CD84: variants seen among roughly 807,000 people sequenced by gnomAD.
The protein encoded by CD84 is SLAM family member 5.
In CD84, 22 loss-of-function variants were observed where a neutral mutation model predicts 33.8. The ratio of observed to expected loss-of-function variants is 0.65; its 90% CI spans 0.46 to 0.93. The LOEUF (loss-of-function observed/expected upper bound fraction) is 0.93. Ranked by LOEUF, CD84 falls within the 40% of genes least tolerant of loss-of-function variation. CD84 has a pLI of 0.00. For synonymous variants in CD84, 154 were observed against 145.2 expected (o/e 1.06, Z -0.44); for missense variants, 400 against 397.6 (o/e 1.01, Z -0.05).
chr1:160,543,551 C>A lies in CD84; in HGVS notation c.*4705G>T, dbSNP rs866755642. 1.3e-5 allele frequency: 2 copies of A among 151,414 alleles called. No individual in the cohort carries two copies. The highest frequency in any genetic ancestry group is 4.2e-4 in the South Asian group (2 of 4,804). The allele number at this position is 151,414 out of a possible 1,614,324, so 9.4% of individuals were successfully genotyped here. A position where few individuals can be genotyped will look rare whatever the true frequency, so the allele number is the denominator to read the frequency against. On this transcript the variant is annotated 3_prime_UTR_variant, in exon 7 of 7. Coordinates refer to ENST00000368054, the MANE Select transcript of CD84 (RefSeq NM_003874.4). ...TTTAGCAGTTGGTATACAAAATAAG[C>A]CCTCAATGATTCTTACAGGCTCCCT...
chr1:160,554,879 T>G (rs1032066977), intron 2 of CD84, among the ~76,000 whole-genome samples: 2 of 152,062 alleles, frequency 1.3e-5, no homozygotes, highest in South Asian at 4.1e-4. Flanking sequence ...TATCCTCTAG[T>G]GCCCTCTCAG....
rs1655942726 is a variant in CD84, at chr1:160,548,178, A to C, written c.*78T>G. 2 of 1,468,448 alleles carry C rather than the reference A, an allele frequency of 1.4e-6. No individual in the cohort carries two copies. Among genetic ancestry groups the C allele is most frequent in the Non-Finnish European group, 1.9e-6 (2 of 1,050,296 alleles). 91.0% of individuals were successfully genotyped at this position (1,468,448 alleles called of 1,614,324 possible). On this transcript the variant is annotated 3_prime_UTR_variant, in exon 7 of 7. Transcript: ENST00000368054. ...CAATCTCCCAGTAAGAGTTGGGCAG[A>C]GAAGATCTGGATCCAGGGAACCTGC...
At chr1:160,562,606 A>C (rs1371221338) in intron 2 of CD84, among the ~76,000 whole-genome samples, 1 of 152,226 alleles carries the variant, frequency 6.6e-6, no homozygotes, top group Non-Finnish European at 1.5e-5. Flanking sequence ...AAAGCCCCAA[A>C]GTATAAAAAC....
intron 5 of CD84, among the ~76,000 whole-genome samples, chr1:160,550,413 G>A (rs549482624): frequency 1.1e-3 from 165 of 152,068 alleles, no homozygotes; most frequent in Non-Finnish European, 1.9e-3. Context: ...GCGATCCAGG[G>A]TGGAGGGGAG....
At chr1:160,552,089 C>G (rs1471328995) in intron 4 of CD84, among the ~76,000 whole-genome samples, 1 of 152,204 alleles carries the variant, frequency 6.6e-6, no homozygotes, top group African/African-American at 2.4e-5. Flanking sequence ...CTACAAATAA[C>G]AGGTCTGAGC....
intron 2 of CD84, among the ~76,000 whole-genome samples, chr1:160,559,236 G>C (rs1273002010): frequency 1.3e-5 from 2 of 152,038 alleles, no homozygotes; most frequent in African/African-American, 4.8e-5. Flanking sequence ...AGAGAGAAAG[G>C]CCAGGTCACC....
intron 2 of CD84, among the ~76,000 whole-genome samples, chr1:160,563,967 C>G (rs988935875): frequency 5.3e-5 from 8 of 151,890 alleles, no homozygotes; most frequent in African/African-American, 1.9e-4. Flanking sequence ...GGGAATAATC[C>G]AGAGATAACA....
At chr1:160,567,636 G>A (rs903462857) in intron 1 of CD84, among the ~76,000 whole-genome samples, 9 of 152,132 alleles carry the variant, frequency 5.9e-5, no homozygotes, top group African/African-American at 9.7e-5. Context: ...AGACAGATGT[G>A]GTCACAAGTG....
chr1:160,570,786 CA>C (rs1657645807), intron 1 of CD84, among the ~76,000 whole-genome samples: 1 of 152,148 alleles, frequency 6.6e-6, no homozygotes, highest in Non-Finnish European at 1.5e-5. Flanking sequence ...CACCTGAGCC[CA>C]AGGGGGTCAA....
chr1:160,577,272 G>T (rs917957803), intron 1 of CD84, among the ~76,000 whole-genome samples: 10 of 152,076 alleles, frequency 6.6e-5, no homozygotes, highest in African/African-American at 2.2e-4. Context: ...GAATTCCAGG[G>T]AAATGTGTAA....
chr1:160,548,123 T>C lies in CD84; in HGVS notation c.*133A>G. The C allele has an allele frequency of 1.1e-6, 1 of 899,454 alleles. No individual in the cohort carries two copies. The highest frequency in any genetic ancestry group is 1.8e-6 in the Non-Finnish European group (1 of 564,646). The allele number at this position is 899,454 out of a possible 1,614,324, so 55.7% of individuals were successfully genotyped here. A position where few individuals can be genotyped will look rare whatever the true frequency, so the allele number is the denominator to read the frequency against. The stretch of plus-strand genomic sequence containing the variant: ...CTATGCCCAGCAGAAGGTTTCCTGC[T>C]TTGCTTACAGGCTGAGATGTGGCAG... On this transcript the variant is annotated 3_prime_UTR_variant, in exon 7 of 7. Coordinates refer to ENST00000368054, the MANE Select transcript of CD84 (RefSeq NM_003874.4).
intron 1 of CD84, among the ~76,000 whole-genome samples, chr1:160,567,462 C>T (rs971456151): frequency 2.0e-5 from 3 of 152,054 alleles, no homozygotes; most frequent in African/African-American, 7.2e-5. Flanking sequence ...ACAGAAGATA[C>T]AACAGGGTGG....
intron 2 of CD84, among the ~76,000 whole-genome samples, chr1:160,562,476 A>T (rs563986796): frequency 1.9e-4 from 29 of 152,320 alleles, no homozygotes; most frequent in African/African-American, 6.5e-4. Context: ...TGGGAAAAGG[A>T]TTCCCTATTT....
Position 160,554,143 on chromosome 1 carries a change from C to T in CD84, c.392G>A (p.Arg131Gln), listed in dbSNP as rs764295635. 19 of 1,609,178 alleles carry T rather than the reference C, an allele frequency of 1.2e-5. No homozygotes were observed. Among genetic ancestry groups the T allele is most frequent in the Admixed American group, 6.7e-5 (4 of 59,854 alleles). The part of the protein sequence containing the change: ...TKRYNLQIYR[R>Q]LGKPKITQSL... ...CTGTGTAATTTTTGGTTTCCCAAGC[C>T]GACCTGTGGGGGCAAACACATGAGC... is the stretch of plus-strand genomic sequence containing the variant. Residue 131 changes from arginine (R) to glutamine (Q), a missense_variant, in exon 3 of 7, where the codon CGG becomes CAG. Physicochemically the swap from Arg to Gln is conservative, Grantham distance 43. Coordinates refer to ENST00000368054, the MANE Select transcript of CD84 (RefSeq NM_003874.4).
intron 2 of CD84, among the ~76,000 whole-genome samples, chr1:160,555,168 C>T (rs1656520500): frequency 6.6e-6 from 1 of 151,358 alleles, no homozygotes; most frequent in Non-Finnish European, 1.5e-5. Context: ...GCAAGCTCCG[C>T]CTCCTGGGTT....
Position 160,565,504 on chromosome 1 carries a change from A to C in CD84, c.288T>G (p.Ile96Met). ...CTGCGTCTTCCATCCTCAGATCGCT[A>C]ATGACCAGATTGTAGTTCGGACCTA... is the stretch of plus-strand genomic sequence containing the variant. ...HALGPNYNLV[I>M]SDLRMEDAGD... Residue 96 changes from isoleucine (I) to methionine (M), a missense_variant, in exon 2 of 7, where the codon ATT (isoleucine) becomes ATG (methionine). Ile to Met is a conservative substitution (Grantham distance 10). Coordinates refer to ENST00000368054, the MANE Select transcript of CD84 (RefSeq NM_003874.4). 8.7e-6 allele frequency: 14 copies of C among 1,613,968 alleles called. No individual in the cohort carries two copies. Among genetic ancestry groups the C allele is most frequent in the Non-Finnish European group, 1.0e-5 (12 of 1,179,896 alleles).
Position 160,551,034 on chromosome 1 carries a change from A to G in CD84, c.762T>C (p.Asp254=). Residue 254 remains aspartate (D), a splice_region_variant and synonymous_variant, in exon 5 of 7, where the codon GAT becomes GAC. Transcript: ENST00000368054. The stretch of plus-strand genomic sequence containing the variant: ...TGTATATGGTTTTCTTTGAGGCAGC[A>G]TCTGTCTCACAAATAAATATAGACC... ...FLFRLFKRRQ[D]AASKKTIYTY... 1 of 1,609,198 alleles carries G rather than the reference A, an allele frequency of 6.2e-7. No individual in the cohort carries two copies. Among genetic ancestry groups the G allele is most frequent in the Non-Finnish European group, 8.5e-7 (1 of 1,175,448 alleles).
At chr1:160,565,999 C>G (rs908001113) in intron 1 of CD84, among the ~76,000 whole-genome samples, 1 of 152,020 alleles carries the variant, frequency 6.6e-6, no homozygotes, top group African/African-American at 2.4e-5. Context: ...ATATTTTTAC[C>G]TAGACTTACA....
intron 2 of CD84, among the ~76,000 whole-genome samples, chr1:160,556,793 C>T (rs1288901063): frequency 1.3e-5 from 2 of 152,086 alleles, no homozygotes; most frequent in Non-Finnish European, 2.9e-5. Context: ...GTACTGTGTC[C>T]TAATTGCACG....
Sources: gnomAD v4.1 joint callset for allele counts (sites outside exome capture counted in the v4.1 genomes callset) on GRCh38, gnomAD v4.1.1 for gene constraint, MANE v1.5 for transcripts, NCBI Gene and HGNC (gene_info 2026-07-23, HGNC 2026-07-21) for gene names.